The following GMEB1 variants were observed in gnomAD, a reference collection of about 807,000 sequenced individuals.
GMEB1 encodes the protein glucocorticoid modulatory element binding protein 1, also known as glucocorticoid modulatory element-binding protein 1.
Under a neutral mutation model 52.4 loss-of-function variants are expected in GMEB1, and 6 were observed. The observed-to-expected ratio is 0.11, with a 90% confidence interval of 0.06 to 0.23. The LOEUF (loss-of-function observed/expected upper bound fraction) is 0.23, where lower values mean the gene tolerates loss of function less well. GMEB1 is among the 10% of genes least tolerant of loss of function. The pLI is 1.00. For synonymous variants in GMEB1, 255 were observed against 244.9 expected, an observed-to-expected ratio of 1.04 and a Z score of -0.38; for missense variants, 486 against 685.6, an observed-to-expected ratio of 0.71 and a Z score of 3.25.
intron 1 of GMEB1, among the ~76,000 whole-genome samples, chr1:28,677,040 C>A (rs989972693): frequency 6.6e-6 from 1 of 152,106 alleles, no homozygotes; most frequent in East Asian, 1.9e-4. Flanking sequence ...GGTGAAAAAT[C>A]GAGACTTTGT....
Position 28,679,962 on chromosome 1 carries a change from C to T in GMEB1, c.-30-3621C>T, listed in dbSNP as rs144311052. On this transcript the variant is annotated intron_variant, in intron 1 of 9. Transcript: ENST00000373816. Reference sequence around the variant, plus strand: ...CTGGGATTATAGGCAAGCGCCACCACGCCTGGCTAATTGTTTTGTATTTTT... The same window carrying T: ...CTGGGATTATAGGCAAGCGCCACCATGCCTGGCTAATTGTTTTGTATTTTT... Among the ~76,000 whole-genome samples the T allele has an allele frequency of 4.5e-3, 681 of 152,246 alleles. 2 individuals carry two copies. Among genetic ancestry groups the T allele is most frequent in the African/African-American group, 0.015 (633 of 41,558 alleles).
chr1:28,687,562 TATC>T, intron 2 of GMEB1, among the ~76,000 whole-genome samples: 1 of 152,046 alleles, frequency 6.6e-6, no homozygotes, highest in East Asian at 1.9e-4. Context: ...GAAGCTTAAA[TATC>T]ATACAAAGGA....
intron 6 of GMEB1, among the ~76,000 whole-genome samples, chr1:28,698,293 TG>T (rs1263156151): frequency 7.4e-6 from 1 of 135,000 alleles, no homozygotes; most frequent in Non-Finnish European, 1.6e-5. Context: ...TGCTTGAACC[TG>T]GGAGGCATGG....
chr1:28,712,646 T>G (rs1671110227), intron 9 of GMEB1, among the ~76,000 whole-genome samples: 1 of 148,008 alleles, frequency 6.8e-6, no homozygotes, highest in South Asian at 2.1e-4. Flanking sequence ...TGGTGAAACC[T>G]CATCTCTACT....
chr1:28,690,929 G>A (rs968721597), intron 3 of GMEB1, among the ~76,000 whole-genome samples: 4 of 151,954 alleles, frequency 2.6e-5, no homozygotes, highest in African/African-American at 9.7e-5. Context: ...GCAGTGAGCC[G>A]AGGTCACACC....
rs536160225 is a variant in GMEB1, at chr1:28,715,603, CAAA to C, written c.*848_*850del. 8.0e-4 allele frequency: 39 copies of C among 48,474 alleles called. No homozygotes were observed. In the South Asian group the frequency reaches 8.5e-3, roughly 11 times the overall value. 3.0% of individuals were successfully genotyped at this position (48,474 alleles called of 1,614,324 possible). ...GGGCAACAAGAGCGAGACTCCATCTCAAAAAAAAAAAAAAAAAAAAGTGCTTTG... is the reference window on the plus strand; with the variant it reads ...GGGCAACAAGAGCGAGACTCCATCTCAAAAAAAAAAAAAAAAAGTGCTTTG... On this transcript the variant is annotated 3_prime_UTR_variant, in exon 10 of 10. Coordinates refer to ENST00000373816, the MANE Select transcript of GMEB1 (RefSeq NM_001319674.2).
In GMEB1 at chr1:28,717,941, T is replaced by G. The variant is rs1671314858; in HGVS notation, c.*3168T>G. ...TGTCAAGAGATTTCCTCAAACAGCC[T>G]GTTTACTAGATGAATTTTCCAGCTG... On this transcript the variant is annotated 3_prime_UTR_variant, in exon 10 of 10. Transcript: ENST00000373816. 1 of 152,214 alleles carries G rather than the reference T, an allele frequency of 6.6e-6. No homozygotes were observed. The highest frequency in any genetic ancestry group is 2.4e-5 in the African/African-American group (1 of 41,466). The allele number at this position is 152,214 out of a possible 1,614,324, so 9.4% of individuals were successfully genotyped here. A position where few individuals can be genotyped will look rare whatever the true frequency, so the allele number is the denominator to read the frequency against.
intron 6 of GMEB1, among the ~76,000 whole-genome samples, chr1:28,702,226 A>G (rs1003096543): frequency 2.0e-5 from 3 of 152,182 alleles, no homozygotes; most frequent in East Asian, 3.8e-4. Context: ...TCAAAGTAAG[A>G]AAGCATTTTC....
chr1:28,706,912 C>T lies in GMEB1; in HGVS notation c.868+2583C>T, dbSNP rs533322368. On this transcript the variant is annotated intron_variant, in intron 8 of 9. Transcript: ENST00000373816. ...GAATTCCTGACCTCCGGTAATCCAC[C>T]TGTTTTGGCCTCCAAAAGTGCTGGG... Among the ~76,000 whole-genome samples the T allele has an allele frequency of 2.7e-5, 4 of 150,696 alleles. No individual in the cohort carries two copies. The East Asian group carries it at 7.9e-4, about 30-fold the overall frequency.
At chr1:28,687,364 ACACACAC>A (rs1557504092) in intron 2 of GMEB1, among the ~76,000 whole-genome samples, 11 of 56,850 alleles carry the variant, frequency 1.9e-4, no homozygotes, top group African/African-American at 6.3e-4. Flanking sequence ...ACACACACAC[ACACACAC>A]ACACACACAC....
intron 1 of GMEB1, among the ~76,000 whole-genome samples, chr1:28,682,916 G>A (rs186279077): frequency 1.3e-5 from 2 of 152,226 alleles, no homozygotes; most frequent in Non-Finnish European, 2.9e-5. Context: ...TCAATTTCGG[G>A]TCTGTTTACG....
At chr1:28,683,407 G>A (rs183711104) in intron 1 of GMEB1, among the ~76,000 whole-genome samples, 176 bp from the exon 2 acceptor site, 15 of 152,044 alleles carry the variant, frequency 9.9e-5, no homozygotes, top group African/African-American at 3.1e-4. Context: ...TTGTATTTTA[G>A]TAGAGACAGA....
chr1:28,704,139 AGTATCTAG>A (rs1282429729), intron 7 of GMEB1, 45 bp from the exon 8 acceptor site: 1 of 1,463,226 alleles, frequency 6.8e-7, no homozygotes, highest in Non-Finnish European at 9.2e-7. Flanking sequence ...GATTTGCCTA[AGTATCTAG>A]GTAGTGTCTC....
In GMEB1 at chr1:28,692,928, C is replaced by CT. The variant is rs1343669615; in HGVS notation, c.337-9dup. 2 of 1,517,426 alleles carry CT rather than the reference C, an allele frequency of 1.3e-6. No individual in the cohort carries two copies. The highest frequency in any genetic ancestry group is 1.8e-6 in the Non-Finnish European group (2 of 1,105,716). The allele number at this position is 1,517,426 out of a possible 1,614,324, so 94.0% of individuals were successfully genotyped here. A position where few individuals can be genotyped will look rare whatever the true frequency, so the allele number is the denominator to read the frequency against. ...TTGACATTAGACTCTTTGGACTTTT[C>CT]TTTTTACTTTTAGTTCAATGATCAG... On this transcript the variant is annotated splice_polypyrimidine_tract_variant and intron_variant, in intron 4 of 9. Transcript: ENST00000373816.
intron 5 of GMEB1, among the ~76,000 whole-genome samples, chr1:28,695,346 C>T (rs1670152800): frequency 6.6e-6 from 1 of 151,904 alleles, no homozygotes; most frequent in Non-Finnish European, 1.5e-5. Context: ...AATTCTCCTG[C>T]CTCAGCCTCC....
chr1:28,686,666 A>C (rs1669662368), intron 2 of GMEB1, among the ~76,000 whole-genome samples: 1 of 150,492 alleles, frequency 6.6e-6, no homozygotes, highest in Non-Finnish European at 1.5e-5. Context: ...TTCATACATG[A>C]GAATGTATTC....
chr1:28,709,170 G>A (rs1183096728), intron 8 of GMEB1, among the ~76,000 whole-genome samples: 1 of 151,002 alleles, frequency 6.6e-6, no homozygotes, highest in African/African-American at 2.4e-5. Context: ...AGCCAGGCAT[G>A]GTGGCGTGCA....
At chr1:28,683,217 T>C (rs1162447847) in intron 1 of GMEB1, among the ~76,000 whole-genome samples, 2 of 151,860 alleles carry the variant, frequency 1.3e-5, no homozygotes, top group Non-Finnish European at 2.9e-5. Flanking sequence ...TGACTTCTTT[T>C]CTTTTCTTCT....
intron 2 of GMEB1, among the ~76,000 whole-genome samples, chr1:28,685,775 A>G (rs1290853929): frequency 2.0e-5 from 3 of 152,104 alleles, no homozygotes; most frequent in Non-Finnish European, 4.4e-5. Flanking sequence ...CATGACCAAC[A>G]TGGTGAAACC....
Sources: allele counts gnomAD v4.1 joint callset (sites outside exome capture counted in the v4.1 genomes callset), GRCh38; gene constraint gnomAD v4.1.1; transcripts MANE v1.5; gene names NCBI Gene and HGNC (gene_info 2026-07-23, HGNC 2026-07-21).